RAB44: variants seen among roughly 807,000 people sequenced by gnomAD.
The protein encoded by RAB44 is ras-related protein Rab-44.
RAB44 carries 67 observed loss-of-function variants against 93.3 expected under a neutral mutation model. That is an observed-to-expected ratio of 0.72 (90% CI 0.59 to 0.88). The LOEUF is 0.88. Among genes scored for constraint, RAB44 ranks in the 40% least tolerant of loss-of-function variants. RAB44 has a pLI of 0.00. For synonymous variants in RAB44, 427 were observed against 520.3 expected, an observed-to-expected ratio of 0.82 and a Z score of 2.44; for missense variants, 1,064 against 1,261.7, an observed-to-expected ratio of 0.84 and a Z score of 2.37.
chr6:36,710,349 G>T (rs559433604), intron 2 of RAB44, among the ~76,000 whole-genome samples: 4 of 152,246 alleles, frequency 2.6e-5, no homozygotes, highest in Non-Finnish European at 5.9e-5. Context: ...TGTCCTCAAG[G>T]TTTATCTGTA....
rs1282829209 is a variant in RAB44, at chr6:36,713,957, G to A, written c.319+18G>A. The A allele has an allele frequency of 2.1e-6, 3 of 1,454,086 alleles. No individual in the cohort carries two copies. The highest frequency in any genetic ancestry group is 2.8e-6 in the Non-Finnish European group (3 of 1,072,278). The allele number at this position is 1,454,086 out of a possible 1,614,324, so 90.1% of individuals were successfully genotyped here. A position where few individuals can be genotyped will look rare whatever the true frequency, so the allele number is the denominator to read the frequency against. ...TGGACTCAGTATGTCTGTCTTTGGA[G>A]GGCCTCTGGGCACCCAGGTGTTCCG... On this transcript the variant is annotated intron_variant, in intron 3 of 13. Coordinates refer to ENST00000612677, the MANE Select transcript of RAB44 (RefSeq NM_001257357.2).
At chr6:36,715,064 C>T (rs1211749596) in intron 3 of RAB44, among the ~76,000 whole-genome samples, 1 of 151,142 alleles carries the variant, frequency 6.6e-6, no homozygotes, top group Non-Finnish European at 1.5e-5. Context: ...GGAAATTACC[C>T]TGCATATTCC....
Position 36,722,048 on chromosome 6 carries a change from C to A in RAB44, c.1914C>A (p.Gly638=). 1 of 1,234,744 alleles carries A rather than the reference C, an allele frequency of 8.1e-7. No individual in the cohort carries two copies. The highest frequency in any genetic ancestry group is 1.0e-6 in the Non-Finnish European group (1 of 988,526). 76.5% of individuals were successfully genotyped at this position (1,234,744 alleles called of 1,614,324 possible). The change falls in exon 9 of 14, where the codon GGC becomes GGA. Residue 638 remains glycine (G), a synonymous_variant. Coordinates refer to ENST00000612677, the MANE Select transcript of RAB44 (RefSeq NM_001257357.2). ...PTERLEQGQA[G]PAVQEGLPEG... ...AGAGGCTGGAGCAGGGCCAGGCGGG[C>A]CCAGCGGTGCAGGAGGGCCTTCCTG...
Position 36,697,891 on chromosome 6 carries a change from G to A in RAB44, c.-37G>A, listed in dbSNP as rs921559705. 2.0e-5 allele frequency: 3 copies of A among 152,396 alleles called. No individual in the cohort carries two copies. Among genetic ancestry groups the A allele is most frequent in the African/African-American group, 7.2e-5 (3 of 41,472 alleles). The allele number at this position is 152,396 out of a possible 1,614,324, so 9.4% of individuals were successfully genotyped here. A position where few individuals can be genotyped will look rare whatever the true frequency, so the allele number is the denominator to read the frequency against. On this transcript the variant is annotated 5_prime_UTR_variant, in exon 1 of 14. In the 5' UTR this introduces an upstream ATG that the reference lacks. Transcript: ENST00000612677. Reference sequence around the variant, plus strand: ...ACCAGGTCCCAGAGCCCAGGGCTGTGTGTTCCACTGGGAGCCTTTGAGAGG... The same window carrying A: ...ACCAGGTCCCAGAGCCCAGGGCTGTATGTTCCACTGGGAGCCTTTGAGAGG...
In RAB44 at chr6:36,731,710, G is replaced by A. The variant is rs1025672279; in HGVS notation, c.2976-293G>A. 5.3e-5 allele frequency among the ~76,000 whole-genome samples: 8 copies of A among 152,044 alleles called. No individual in the cohort carries two copies. Among genetic ancestry groups the A allele is most frequent in the South Asian group, 4.2e-4 (2 of 4,808 alleles). On this transcript the variant is annotated intron_variant, in intron 13 of 13. Transcript: ENST00000612677. The surrounding 1 kb of genome is among the most constrained non-coding windows in gnomAD (Gnocchi z 4.0). ...CCCTGTGTGCCTCCCCATCATTCCC[G>A]GGCTGCAGTCACCCCTTTTCCTGTC...
At chr6:36,718,409 T>A in intron 6 of RAB44, 84 bp from the exon 7 acceptor site, 1 of 672,376 alleles carries the variant, frequency 1.5e-6, no homozygotes, top group Non-Finnish European at 2.1e-6. Context: ...CCCCAGGTGG[T>A]GGAGGTGGAG....
intron 9 of RAB44, among the ~76,000 whole-genome samples, chr6:36,725,270 G>A (rs1167630824): frequency 6.6e-6 from 1 of 152,152 alleles, no homozygotes; most frequent in Non-Finnish European, 1.5e-5. Context: ...CCGCCTCCCG[G>A]GTTCAAGTGA....
intron 9 of RAB44, 95 bp from the exon 10 acceptor site, chr6:36,725,767 A>C (rs945677908): frequency 2.5e-6 from 2 of 816,046 alleles, no homozygotes; most frequent in Admixed American, 4.0e-5. Context: ...ATCGCACCGC[A>C]GCTGGTACAG....
At chr6:36,704,198 G>T in intron 1 of RAB44, 26 bp from the exon 2 acceptor site, 1 of 1,514,362 alleles carries the variant, frequency 6.6e-7, no homozygotes, top group South Asian at 1.2e-5. Flanking sequence ...CCAGCAGCCC[G>T]GTGCCCCTCA....
intron 12 of RAB44, 141 bp from the exon 13 acceptor site, chr6:36,730,532 A>G: frequency 2.2e-6 from 1 of 447,446 alleles, no homozygotes; most frequent in Non-Finnish European, 3.7e-6. Flanking sequence ...CCACGCTGAG[A>G]TGGGGCTGTC....
chr6:36,704,198 G>A lies in RAB44; in HGVS notation c.-12-26G>A, dbSNP rs372237446. 1.6e-4 allele frequency: 236 copies of A among 1,514,360 alleles called. 1 individual carries two copies. The highest frequency in any genetic ancestry group is 1.0e-3 in the South Asian group (87 of 83,568). The allele number at this position is 1,514,360 out of a possible 1,614,324, so 93.8% of individuals were successfully genotyped here. A position where few individuals can be genotyped will look rare whatever the true frequency, so the allele number is the denominator to read the frequency against. On this transcript the variant is annotated intron_variant, in intron 1 of 13. Transcript: ENST00000612677. ...AGAGGGCGTGACTGTCCAGCAGCCC[G>A]GTGCCCCTCACTCCTCTGTCCCCAG... is the stretch of plus-strand genomic sequence containing the variant.
chr6:36,718,955 A>C (rs551634218), intron 7 of RAB44, among the ~76,000 whole-genome samples: 1 of 151,190 alleles, frequency 6.6e-6, no homozygotes, highest in South Asian at 2.1e-4. Context: ...CCCAGGCTGG[A>C]GTGCAGTGGC....
At chr6:36,715,072 T>A (rs567637489) in intron 3 of RAB44, among the ~76,000 whole-genome samples, 7 of 151,418 alleles carry the variant, frequency 4.6e-5, no homozygotes, top group Admixed American at 1.3e-4. Context: ...CCCTGCATAT[T>A]CCTTTGGCTC....
In RAB44 at chr6:36,728,766, C is replaced by T. The variant is rs1429724833; in HGVS notation, c.2863C>T (p.Gln955Ter). 1.3e-6 allele frequency: 2 copies of T among 1,550,572 alleles called. No homozygotes were observed. The highest frequency in any genetic ancestry group is 1.7e-6 in the Non-Finnish European group (2 of 1,146,990). ...GNKMDCEEER[Q>*]VSVEAGQQLA... ...CAAGATGGACTGTGAGGAGGAACGG[C>T]AAGTGTCCGTGGAAGCTGGGCAGCA... The change falls in exon 12 of 14, where the codon CAA (glutamine) becomes TAA (stop). Residue 955 changes from glutamine (Q) to a stop codon, truncating the protein, a stop_gained. Coordinates refer to ENST00000612677, the MANE Select transcript of RAB44 (RefSeq NM_001257357.2). LOFTEE classifies it high-confidence loss of function.
intron 10 of RAB44, among the ~76,000 whole-genome samples, chr6:36,727,027 C>G (rs1402531946): frequency 3.9e-5 from 6 of 152,116 alleles, no homozygotes; most frequent in African/African-American, 1.2e-4. Flanking sequence ...TCTGGAACTC[C>G]TGACCGCAAG....
chr6:36,722,020 C>T lies in RAB44; in HGVS notation c.1886C>T (p.Thr629Ile). ...QGLEFVGPVP[T>I]ERLEQGQAGP... ...CTGGAATTTGTGGGTCCGGTGCCCA[C>T]AGAGAGGCTGGAGCAGGGCCAGGCG... Residue 629 changes from threonine (T) to isoleucine (I), a missense_variant, in exon 9 of 14, where the codon ACA becomes ATA. Thr to Ile is a moderately conservative substitution (Grantham distance 89). Coordinates refer to ENST00000612677, the MANE Select transcript of RAB44 (RefSeq NM_001257357.2). The T allele has an allele frequency of 2.4e-6, 3 of 1,232,802 alleles. No individual in the cohort carries two copies. The highest frequency in any genetic ancestry group is 2.0e-6 in the Non-Finnish European group (2 of 988,432). The allele number at this position is 1,232,802 out of a possible 1,614,324, so 76.4% of individuals were successfully genotyped here. A position where few individuals can be genotyped will look rare whatever the true frequency, so the allele number is the denominator to read the frequency against.
chr6:36,718,679 ACTC>A, intron 7 of RAB44, 91 bp downstream of exon 7: 1 of 570,462 alleles, frequency 1.8e-6, no homozygotes, highest in Non-Finnish European at 2.6e-6. Context: ...GGAAATCAGA[ACTC>A]CTGCCTTAGA....
rs1465049178 is a variant in RAB44, at chr6:36,722,816, C to A, written c.2599+83C>A. ...CGAGTGAGAGCGGGCCCAGACCAAG[C>A]CCTCCCTGAGGAAGCTGCAGGTTCT... is the stretch of plus-strand genomic sequence containing the variant. On this transcript the variant is annotated intron_variant, in intron 9 of 13. Coordinates refer to ENST00000612677, the MANE Select transcript of RAB44 (RefSeq NM_001257357.2). 8 of 1,496,440 alleles carry A rather than the reference C, an allele frequency of 5.3e-6. No homozygotes were observed. The Admixed American group carries it at 1.0e-4, about 19-fold the overall frequency. 92.7% of individuals were successfully genotyped at this position (1,496,440 alleles called of 1,614,324 possible). A position where few individuals can be genotyped will look rare whatever the true frequency, so the allele number is the denominator to read the frequency against.
chr6:36,713,861 G>A lies in RAB44; in HGVS notation c.241G>A (p.Glu81Lys), dbSNP rs1485529528. 2 of 1,536,114 alleles carry A rather than the reference G, an allele frequency of 1.3e-6. No homozygotes were observed. Among genetic ancestry groups the A allele is most frequent in the Non-Finnish European group, 8.7e-7 (1 of 1,146,870 alleles). ...AKFSFLGSKE[E>K]SEMIFDWVDV... ...GTTCAGCTTCCTGGGCAGCAAGGAAGAGTCAGAGATGATCTTCGACTGGGT... is the reference window on the plus strand; with the variant it reads ...GTTCAGCTTCCTGGGCAGCAAGGAAAAGTCAGAGATGATCTTCGACTGGGT... Residue 81 changes from glutamate to lysine, a missense_variant, in exon 3 of 14, where the codon GAG (glutamate) becomes AAG (lysine). Transcript: ENST00000612677.
Sources: gnomAD v4.1 joint callset for allele counts (sites outside exome capture counted in the v4.1 genomes callset) on GRCh38, gnomAD v4.1.1 for gene constraint, Gnocchi (gnomAD v3.1) non-coding constraint, MANE v1.5 for transcripts, NCBI Gene and HGNC (gene_info 2026-07-23, HGNC 2026-07-21) for gene names.